Variants in TRIM14 observed in about 807,000 individuals in gnomAD.
TRIM14 encodes tripartite motif-containing protein 14.
TRIM14 carries 28 observed loss-of-function variants against 44.5 expected under a neutral mutation model. That is an observed-to-expected ratio of 0.63 (90% CI 0.47 to 0.86). The LOEUF is 0.86. TRIM14 is among the 40% of genes least tolerant of loss of function. The pLI is 0.00. For synonymous variants in TRIM14, 299 were observed against 269.2 expected, an observed-to-expected ratio of 1.11 and a Z score of -1.08; for missense variants, 607 against 611.1, an observed-to-expected ratio of 0.99 and a Z score of 0.07.
intron 5 of TRIM14, among the ~76,000 whole-genome samples, chr9:98,088,499 C>G (rs1222288986): frequency 1.3e-5 from 2 of 152,104 alleles, no homozygotes; most frequent in Non-Finnish European, 2.9e-5. Flanking sequence ...GGACTACAGG[C>G]GCCCACCACC....
Position 98,087,117 on chromosome 9 carries a change from G to C in TRIM14, c.*353C>G. ...TGCCTACTATGTGTCAGGTTCCTGT[G>C]CTGTACGAGGGAGAAGGTTCCCAGG... On this transcript the variant is annotated 3_prime_UTR_variant, in exon 6 of 6. Transcript: ENST00000341469. 1.9e-6 allele frequency: 1 copy of C among 523,774 alleles called. No individual in the cohort carries two copies. The highest frequency in any genetic ancestry group is 3.7e-6 in the Non-Finnish European group (1 of 268,906). 32.4% of individuals were successfully genotyped at this position (523,774 alleles called of 1,614,324 possible). A position where few individuals can be genotyped will look rare whatever the true frequency, so the allele number is the denominator to read the frequency against.
downstream of TRIM14, chr9:98,080,688 C>A: frequency 9.9e-7 from 1 of 1,011,228 alleles, no homozygotes. Flanking sequence ...CAGAGAGCCT[C>A]AGTATCTTGC....
chr9:98,067,823 G>A (rs1449262312), downstream of TRIM14, among the ~76,000 whole-genome samples: 2 of 133,952 alleles, frequency 1.5e-5, no homozygotes, highest in African/African-American at 6.8e-5. Flanking sequence ...CTGAGCTCAA[G>A]CAATCCTCCC....
the TRIM14 span, among the ~76,000 whole-genome samples, chr9:98,060,387 G>A: frequency 1.3e-5 from 2 of 152,088 alleles, no homozygotes; most frequent in Admixed American, 6.5e-5. Flanking sequence ...TGGTGATGTC[G>A]GCTGGGCGCA....
At chr9:98,078,017 G>A in intron 6 of TRIM14, 1 of 840,026 alleles carries the variant, frequency 1.2e-6, no homozygotes, top group Admixed American at 2.9e-5. Flanking sequence ...CCTTTCCTGT[G>A]GCCGAGGGCA....
At chr9:98,050,670 G>C in the TRIM14 span, among the ~76,000 whole-genome samples, 573 of 152,258 alleles carry the variant, frequency 3.8e-3, no homozygotes, top group Non-Finnish European at 6.5e-3. Context: ...TTCTTACTTA[G>C]GTGAGACGGT....
At chr9:98,112,473 A>G (rs1246745452) in intron 1 of TRIM14, among the ~76,000 whole-genome samples, 2 of 152,186 alleles carry the variant, frequency 1.3e-5, no homozygotes, top group African/African-American at 2.4e-5. Flanking sequence ...TAATCTCACA[A>G]AAGACATTTT....
At chr9:98,103,204 C>CA (rs1031739646) in intron 2 of TRIM14, among the ~76,000 whole-genome samples, 2 of 148,896 alleles carry the variant, frequency 1.3e-5, no homozygotes, top group Admixed American at 6.7e-5. Flanking sequence ...ACAACAACAA[C>CA]AAAAAACAAT....
intron 2 of TRIM14, among the ~76,000 whole-genome samples, chr9:98,109,283 CAACAGGATGAAA>C (rs1826749928): frequency 1.6e-5 from 2 of 126,092 alleles, no homozygotes; most frequent in Middle Eastern, 3.8e-3. Flanking sequence ...GGGGAGGGAG[CAACAGGATGAAA>C]GGGGGAGGGA....
the TRIM14 span, among the ~76,000 whole-genome samples, chr9:98,054,828 C>T: frequency 2.6e-5 from 4 of 152,140 alleles, no homozygotes; most frequent in South Asian, 2.1e-4. Flanking sequence ...AGAGCAATCC[C>T]GAATGAGCCC....
intron 4 of TRIM14, 46 bp downstream of exon 4, chr9:98,094,821 A>G (rs1463082527): frequency 1.9e-6 from 3 of 1,591,486 alleles, no homozygotes; most frequent in Non-Finnish European, 2.6e-6. Context: ...GGGCTAAAGG[A>G]CACTAGGGGA....
intron 6 of TRIM14, chr9:98,075,415 GGAGA>G (rs904319608): frequency 8.0e-5 from 12 of 150,416 alleles, no homozygotes; most frequent in African/African-American, 2.9e-4. Flanking sequence ...GGAAGGAAAG[GGAGA>G]GAGGGAGGGA....
At chr9:98,106,317 G>T (rs1373486991) in intron 2 of TRIM14, among the ~76,000 whole-genome samples, 1 of 152,226 alleles carries the variant, frequency 6.6e-6, no homozygotes, top group African/African-American at 2.4e-5. Context: ...GCCTGAAGTG[G>T]CAGGATGCAG....
chr9:98,096,766 C>T (rs1389951531), intron 3 of TRIM14, among the ~76,000 whole-genome samples: 1 of 152,194 alleles, frequency 6.6e-6, no homozygotes, highest in African/African-American at 2.4e-5. Context: ...TCATCTCTCT[C>T]CTGGACATTG....
At chr9:98,053,810 T>TAAATAAATAAATAAAC in the TRIM14 span, among the ~76,000 whole-genome samples, 1 of 151,296 alleles carries the variant, frequency 6.6e-6, no homozygotes. Flanking sequence ...ACAAAATAAA[T>TAAATAAATAAATAAAC]AAATAAATAA....
the TRIM14 span, among the ~76,000 whole-genome samples, chr9:98,036,398 A>G: frequency 2.6e-5 from 4 of 151,556 alleles, no homozygotes; most frequent in Non-Finnish European, 5.9e-5. Context: ...CTACTTGGGA[A>G]GCTGAAGCAG....
chr9:98,073,956 TTA>T (rs761332721), intron 6 of TRIM14, among the ~76,000 whole-genome samples: 5 of 152,028 alleles, frequency 3.3e-5, no homozygotes, highest in African/African-American at 9.7e-5. Flanking sequence ...CGGCTAATTT[TTA>T]TATGTTTTGT....
At chr9:98,068,521 A>T (rs1255533129), downstream of TRIM14, among the ~76,000 whole-genome samples, 1 of 151,886 alleles carries the variant, frequency 6.6e-6, no homozygotes. Flanking sequence ...TCGTTAAAGT[A>T]AAAAGTGGTT....
At chr9:98,042,880 A>G in the TRIM14 span, among the ~76,000 whole-genome samples, 7 of 152,154 alleles carry the variant, frequency 4.6e-5, no homozygotes, top group African/African-American at 1.7e-4. Context: ...AAAAAAAAAA[A>G]AAAGAGTTTA....
Sources: gnomAD v4.1 joint callset for allele counts (sites outside exome capture counted in the v4.1 genomes callset) on GRCh38, gnomAD v4.1.1 for gene constraint, MANE v1.5 for transcripts, NCBI Gene and HGNC (gene_info 2026-07-23, HGNC 2026-07-21) for gene names.